The following ATG7 variants were observed in gnomAD, a reference collection of about 807,000 sequenced individuals.
ATG7 encodes the protein ubiquitin-like modifier-activating enzyme ATG7.
In ATG7, 70 loss-of-function variants were observed where a neutral mutation model predicts 82.4. The ratio of observed to expected loss-of-function variants is 0.85; its 90% CI spans 0.70 to 1.04. ATG7 has a LOEUF of 1.04. Ranked by LOEUF, ATG7 falls within the 50% of genes least tolerant of loss-of-function variation. The probability of loss-of-function intolerance (pLI) is 0.00; values close to 1 mark genes in which losing one functional copy is unlikely to be tolerated. For missense variants in ATG7, 792 were observed against 864.3 expected (o/e 0.92, Z 1.05); for synonymous variants, 287 against 313.0 (o/e 0.92, Z 0.88).
intron 20 of ATG7, among the ~76,000 whole-genome samples, chr3:11,466,126 G>A (rs1041716696): frequency 6.6e-6 from 1 of 152,186 alleles, no homozygotes; most frequent in Non-Finnish European, 1.5e-5. Context: ...CCAGGCATGA[G>A]AAGAACTCCA....
At chr3:11,303,994 G>A (rs1369977370) in intron 5 of ATG7, among the ~76,000 whole-genome samples, 1 of 151,920 alleles carries the variant, frequency 6.6e-6, no homozygotes, top group African/African-American at 2.4e-5. Flanking sequence ...GGGAGGCTGA[G>A]GCAGGAGAAA....
intron 18 of ATG7, among the ~76,000 whole-genome samples, chr3:11,365,314 G>C (rs1007103212): frequency 5.9e-5 from 9 of 152,120 alleles, no homozygotes; most frequent in African/African-American, 2.2e-4. Context: ...AAAAACATTA[G>C]AAGCATGCAG....
chr3:11,315,061 G>A (rs1198136302), intron 8 of ATG7, among the ~76,000 whole-genome samples: 2 of 152,110 alleles, frequency 1.3e-5, no homozygotes, highest in Non-Finnish European at 1.5e-5. Context: ...AGAATGTTTC[G>A]TTACCGCTCT....
downstream of ATG7, chr3:11,558,410 A>G: frequency 7.6e-7 from 1 of 1,323,904 alleles, no homozygotes; most frequent in South Asian, 1.5e-5. Context: ...AACAGAACAC[A>G]AATCCCAACA....
At chr3:11,544,933 A>G (rs2071147380) in intron 20 of ATG7, among the ~76,000 whole-genome samples, 1 of 152,204 alleles carries the variant, frequency 6.6e-6, no homozygotes, top group African/African-American at 2.4e-5. Context: ...TGCACAGACT[A>G]CAAGGTGACA....
chr3:11,537,856 C>A (rs2125009614), intron 20 of ATG7, among the ~76,000 whole-genome samples: 1 of 152,282 alleles, frequency 6.6e-6, no homozygotes, highest in South Asian at 2.1e-4. Context: ...AACGAGCTAG[C>A]CCACAGAGAG....
Position 11,411,618 on chromosome 3 carries a change from C to CAAAAAAAA in ATG7, c.1957-15186_1957-15185insAAAAAAAA, listed in dbSNP as rs2080902742. ...CTGGTGACACAGCAAGACTCTGTCT[C>CAAAAAAAA]CAAAAAAAAAAAAAAAAAAAAAAAA... On this transcript the variant is annotated intron_variant, in intron 19 of 20. Transcript: ENST00000693202. 5.0e-4 allele frequency among the ~76,000 whole-genome samples: 7 copies of CAAAAAAAA among 13,966 alleles called. No individual in the cohort carries two copies. The South Asian group carries it at 0.02, about 39-fold the overall frequency. The allele number at this position is 13,966 out of a possible 152,430, so 9.2% of individuals were successfully genotyped here.
At chr3:11,559,144 T>G (rs1291203693), downstream of ATG7, among the ~76,000 whole-genome samples, 1 of 152,198 alleles carries the variant, frequency 6.6e-6, no homozygotes, top group Non-Finnish European at 1.5e-5. Flanking sequence ...AGGCGGTGTG[T>G]TTCTCATGCC....
intron 3 of ATG7, among the ~76,000 whole-genome samples, chr3:11,285,359 A>G (rs566458092): frequency 1.3e-5 from 2 of 150,660 alleles, no homozygotes; most frequent in African/African-American, 4.9e-5. Flanking sequence ...TATTTTTTGT[A>G]GAGATGGGGG....
At chr3:11,457,433 T>C (rs1251057920) in intron 20 of ATG7, among the ~76,000 whole-genome samples, 1 of 152,166 alleles carries the variant, frequency 6.6e-6, no homozygotes, top group Non-Finnish European at 1.5e-5. Flanking sequence ...AATGGGAATT[T>C]CAAGTGAAAG....
intron 9 of ATG7, among the ~76,000 whole-genome samples, chr3:11,326,372 C>T (rs1318788715): frequency 6.6e-6 from 1 of 151,958 alleles, no homozygotes; most frequent in Non-Finnish European, 1.5e-5. Flanking sequence ...GATCTTGGCT[C>T]ACTGCAACCT....
intron 19 of ATG7, among the ~76,000 whole-genome samples, chr3:11,388,493 A>G (rs1246059898): frequency 1.4e-5 from 2 of 147,168 alleles, no homozygotes; most frequent in Non-Finnish European, 3.0e-5. Context: ...CAGTGGCGCT[A>G]TCTCAGCTCA....
intron 3 of ATG7, among the ~76,000 whole-genome samples, chr3:11,291,983 T>G (rs1288749699): frequency 2.0e-5 from 3 of 152,208 alleles, no homozygotes. Flanking sequence ...GTGCAGATCA[T>G]TCCTGGTGGC....
chr3:11,571,246 A>G, the ATG7 span, among the ~76,000 whole-genome samples: 41 of 152,204 alleles, frequency 2.7e-4, no homozygotes, highest in Non-Finnish European at 1.2e-4. Flanking sequence ...TCTATGCGTC[A>G]GCAACTACTG....
intron 11 of ATG7, among the ~76,000 whole-genome samples, chr3:11,340,290 A>G (rs570201474): frequency 6.6e-6 from 1 of 151,724 alleles, no homozygotes; most frequent in African/African-American, 2.4e-5. Flanking sequence ...GTGGGGTTAT[A>G]CCTACCCCAG....
At chr3:11,317,584 CTTTTTTTT>C (rs370026914) in intron 9 of ATG7, among the ~76,000 whole-genome samples, 4 of 114,482 alleles carry the variant, frequency 3.5e-5, no homozygotes, top group East Asian at 2.7e-4. Flanking sequence ...TTCTTTCTTT[CTTTTTTTT>C]TTTTTTTTTT....
intron 13 of ATG7, among the ~76,000 whole-genome samples, chr3:11,347,009 G>C (rs1954653363): frequency 6.6e-6 from 1 of 152,200 alleles, no homozygotes; most frequent in East Asian, 1.9e-4. Context: ...TCTTAGCCTT[G>C]TAGCCAGTCA....
intron 13 of ATG7, among the ~76,000 whole-genome samples, chr3:11,346,262 T>C (rs951173867): frequency 6.6e-6 from 1 of 152,236 alleles, no homozygotes; most frequent in African/African-American, 2.4e-5. Context: ...GCATTAACAT[T>C]GTTTCCAGTT....
chr3:11,531,793 G>A (rs75148459), intron 20 of ATG7, among the ~76,000 whole-genome samples: 315 of 150,526 alleles, frequency 2.1e-3, no homozygotes, highest in African/African-American at 7.1e-3. Flanking sequence ...GAGCCCAGGA[G>A]GTTGAGGCTG....
Sources: allele counts gnomAD v4.1 joint callset (sites outside exome capture counted in the v4.1 genomes callset), GRCh38; gene constraint gnomAD v4.1.1; transcripts MANE v1.5; gene names NCBI Gene and HGNC (gene_info 2026-07-23, HGNC 2026-07-21).